The following INPP4A variants were observed in gnomAD, a reference collection of about 807,000 sequenced individuals.
INPP4A encodes inositol polyphosphate-4-phosphatase type I A, also known as inositol polyphosphate-4-phosphatase, type I, 107kD.
Under a neutral mutation model 119.8 loss-of-function variants are expected in INPP4A, and 33 were observed. The ratio of observed to expected loss-of-function variants is 0.28; its 90% CI spans 0.21 to 0.37. The LOEUF is 0.37. Ranked by LOEUF, INPP4A falls within the 10% of genes least tolerant of loss-of-function variation. The pLI is 1.00. For synonymous variants in INPP4A, 496 were observed against 500.7 expected, an observed-to-expected ratio of 0.99 and a Z score of 0.12; for missense variants, 956 against 1,289.9, an observed-to-expected ratio of 0.74 and a Z score of 3.97.
chr2:98,505,884 G>A (rs1245812672), intron 1 of INPP4A, among the ~76,000 whole-genome samples: 1 of 152,080 alleles, frequency 6.6e-6, no homozygotes, highest in East Asian at 1.9e-4. Context: ...TTGTTGGCTA[G>A]GTTTTGTCTG....
At chr2:98,466,422 A>G (rs777829549) in intron 1 of INPP4A, among the ~76,000 whole-genome samples, 6 of 152,252 alleles carry the variant, frequency 3.9e-5, no homozygotes, top group African/African-American at 7.2e-5. Flanking sequence ...GGTGACAGAC[A>G]TTCCCTATCA....
At chr2:98,453,952 CA>C (rs1695652874) in intron 1 of INPP4A, among the ~76,000 whole-genome samples, 1 of 152,078 alleles carries the variant, frequency 6.6e-6, no homozygotes, top group South Asian at 2.1e-4. Context: ...ACTAAAAATA[CA>C]AAAATTAGCT....
intron 17 of INPP4A, among the ~76,000 whole-genome samples, chr2:98,563,018 C>T (rs1293257848): frequency 6.6e-6 from 1 of 152,086 alleles, no homozygotes; most frequent in Non-Finnish European, 1.5e-5. Flanking sequence ...TGACTTTATA[C>T]CCAGGTCAAG....
In INPP4A at chr2:98,545,848, G is replaced by A. The variant is rs997419286; in HGVS notation, c.950-121G>A. 4.7e-5 allele frequency: 31 copies of A among 665,688 alleles called. No homozygotes were observed. The Admixed American group carries it at 6.2e-4, about 13-fold the overall frequency. The allele number at this position is 665,688 out of a possible 1,614,324, so 41.2% of individuals were successfully genotyped here. ...GCTCATGGCAACTCAGAATCTTCTA[G>A]GCCACTGCCGACATACCTGCTTATA... On this transcript the variant is annotated intron_variant, in intron 11 of 24. Transcript: ENST00000409851.
At chr2:98,473,785 T>C (rs1410701960) in intron 1 of INPP4A, among the ~76,000 whole-genome samples, 1 of 152,130 alleles carries the variant, frequency 6.6e-6, no homozygotes, top group Non-Finnish European at 1.5e-5. Flanking sequence ...CACCAGGTGA[T>C]TGCATGAAAA....
Position 98,566,430 on chromosome 2 carries a change from G to A in INPP4A, c.2420+261G>A, listed in dbSNP as rs1696459643. Among the ~76,000 whole-genome samples the A allele has an allele frequency of 6.6e-6, 1 of 152,102 alleles. No homozygotes were observed. Among genetic ancestry groups the A allele is most frequent in the African/African-American group, 2.4e-5 (1 of 41,428 alleles). ...GATGCAATGATGAAGACAGATACAGGGCATTGTGGGATCCGGAGTAGGGCA... is the reference window on the plus strand; with the variant it reads ...GATGCAATGATGAAGACAGATACAGAGCATTGTGGGATCCGGAGTAGGGCA... On this transcript the variant is annotated intron_variant, in intron 21 of 24. Coordinates refer to ENST00000409851, the MANE Select transcript of INPP4A (RefSeq NM_001134225.2). The surrounding 1 kb of genome is among the most constrained non-coding windows in gnomAD (Gnocchi z 4.2).
At chr2:98,471,291 C>T (rs533119290) in intron 1 of INPP4A, among the ~76,000 whole-genome samples, 2 of 152,290 alleles carry the variant, frequency 1.3e-5, no homozygotes, top group Non-Finnish European at 1.5e-5. Context: ...TCATTCCACA[C>T]AGGAGAAAAG....
chr2:98,520,844 C>T (rs1247732052), intron 4 of INPP4A, 113 bp downstream of exon 4: 3 of 627,144 alleles, frequency 4.8e-6, no homozygotes, highest in Admixed American at 3.1e-5. Flanking sequence ...GCTGCTGCCA[C>T]CACTGCTGCA....
In INPP4A at chr2:98,592,160, ACT is replaced by A. The variant is rs1700431474; in HGVS notation, c.*4557_*4558del. ...GAACTCTGCATTTGGAGATGGACAAACTCTCTTCTTCTTATCACTTTCTCCCC... is the reference window on the plus strand; with the variant it reads ...GAACTCTGCATTTGGAGATGGACAAACTCTTCTTCTTATCACTTTCTCCCC... On this transcript the variant is annotated 3_prime_UTR_variant, in exon 25 of 25. Transcript: ENST00000409851. The A allele has an allele frequency of 6.6e-6, 1 of 151,476 alleles. No homozygotes were observed. The allele number at this position is 151,476 out of a possible 1,614,324, so 9.4% of individuals were successfully genotyped here. A position where few individuals can be genotyped will look rare whatever the true frequency, so the allele number is the denominator to read the frequency against.
intron 1 of INPP4A, among the ~76,000 whole-genome samples, chr2:98,472,610 A>G (rs1423080715): frequency 6.6e-6 from 1 of 152,234 alleles, no homozygotes; most frequent in East Asian, 1.9e-4. Flanking sequence ...GGGAGAGGCC[A>G]CAGCACATAT....
intron 10 of INPP4A, 57 bp from the exon 11 acceptor site, chr2:98,543,820 G>T: frequency 3.7e-6 from 6 of 1,601,972 alleles, no homozygotes; most frequent in Non-Finnish European, 5.1e-6. Context: ...GACCTCCTGG[G>T]CCTCTCTGGG....
intron 24 of INPP4A, among the ~76,000 whole-genome samples, chr2:98,581,040 G>A (rs954107369): frequency 6.6e-6 from 1 of 152,214 alleles, no homozygotes; most frequent in Non-Finnish European, 1.5e-5. Context: ...CGCTTGGTTG[G>A]TTGGTACCTG....
rs1386033310 is a variant in INPP4A at position 98,546,124 on chromosome 2, CTG to C, written c.1054+54_1054+55del. ...TTGAATCACATTTCGCTGCTTTTCT[CTG>C]TGGGTACTTGGTCCCTGAGTACCCC... On this transcript the variant is annotated intron_variant, in intron 12 of 24. Coordinates refer to ENST00000409851, the MANE Select transcript of INPP4A (RefSeq NM_001134225.2). The surrounding 1 kb of genome is among the most constrained non-coding windows in gnomAD (Gnocchi z 4.2). The C allele has an allele frequency of 7.7e-7, 1 of 1,299,522 alleles. No homozygotes were observed. The highest frequency in any genetic ancestry group is 2.5e-5 in the East Asian group (1 of 39,742). The allele number at this position is 1,299,522 out of a possible 1,614,324, so 80.5% of individuals were successfully genotyped here.
chr2:98,556,768 G>T (rs1694568681), intron 16 of INPP4A, among the ~76,000 whole-genome samples: 1 of 152,192 alleles, frequency 6.6e-6, no homozygotes, highest in Admixed American at 6.5e-5. Flanking sequence ...CCTTCAGGTT[G>T]TAAGATGCCC....
Position 98,520,065 on chromosome 2 carries a change from A to G in INPP4A, c.17A>G (p.His6Arg). 2.5e-6 allele frequency: 4 copies of G among 1,583,654 alleles called. No individual in the cohort carries two copies. The highest frequency in any genetic ancestry group is 1.2e-5 in the South Asian group (1 of 86,738). Residue 6 changes from histidine (H) to arginine (R), a missense_variant, in exon 3 of 25, where the codon CAC becomes CGC. By Grantham distance (29) the His-to-Arg change is conservative (BLOSUM62 0). Transcript: ENST00000409851. MTARE[H>R]SPRHGARARA... ...AATGACATCATGACAGCAAGAGAGC[A>G]CAGCCCTCGCCATGGTGCCAGGGCC...
chr2:98,524,511 C>T (rs1396424682), intron 4 of INPP4A, among the ~76,000 whole-genome samples: 7 of 152,286 alleles, frequency 4.6e-5, no homozygotes, highest in Admixed American at 1.3e-4. Context: ...CTGAAGGTGG[C>T]CATGGGACCA....
intron 1 of INPP4A, among the ~76,000 whole-genome samples, chr2:98,473,309 G>A (rs1365467898): frequency 1.3e-5 from 2 of 149,608 alleles, no homozygotes; most frequent in Non-Finnish European, 3.0e-5. Flanking sequence ...CGGGTAGTGC[G>A]GGTGGAGTGG....
At position 98,465,852 on chromosome 2, in the gene INPP4A, G is replaced by A. The variant is rs79643020; in HGVS notation, c.-166+20767G>A. Among the ~76,000 whole-genome samples, 102 of 152,184 alleles carry A rather than the reference G, an allele frequency of 6.7e-4. 2 individuals are homozygous for A. In the East Asian group the frequency reaches 0.01, roughly 16 times the overall value. The stretch of plus-strand genomic sequence containing the variant: ...TTCCTCCCGGCTCCACCCTGGTTTC[G>A]GCGCAGTACTTGAGCAGACGGTGGC... On this transcript the variant is annotated intron_variant, in intron 1 of 24. Transcript: ENST00000409851.
chr2:98,544,075 A>T (rs1692037316), intron 11 of INPP4A, 68 bp downstream of exon 11: 6 of 1,384,672 alleles, frequency 4.3e-6, no homozygotes, highest in Non-Finnish European at 4.9e-6. Flanking sequence ...TCTCACTCTC[A>T]CTCAGTCACT....
Sources: allele counts gnomAD v4.1 joint callset (sites outside exome capture counted in the v4.1 genomes callset), GRCh38; gene constraint gnomAD v4.1.1; non-coding constraint Gnocchi (gnomAD v3.1); transcripts MANE v1.5; gene names NCBI Gene and HGNC (gene_info 2026-07-23, HGNC 2026-07-21).